The following PCCA variants were observed in gnomAD, a reference collection of about 807,000 sequenced individuals.
The protein encoded by PCCA is propionyl-CoA carboxylase subunit alpha.
PCCA carries 74 observed loss-of-function variants against 101.3 expected under a neutral mutation model. The observed-to-expected ratio is 0.73, with a 90% CI of 0.61 to 0.89. The LOEUF (loss-of-function observed/expected upper bound fraction) is 0.89, where lower values mean the gene tolerates loss of function less well. PCCA is among the 40% of genes least tolerant of loss of function. The pLI is 0.00. For missense variants in PCCA, 891 were observed against 907.0 expected (o/e 0.98, Z 0.23); for synonymous variants, 294 against 313.6 (o/e 0.94, Z 0.66).
intron 6 of PCCA, among the ~76,000 whole-genome samples, chr13:100,186,625 C>T (rs1381818208): frequency 6.6e-6 from 1 of 150,970 alleles, no homozygotes; most frequent in African/African-American, 2.4e-5. Flanking sequence ...GCCTGTAGTC[C>T]CAGCTACTCA....
intron 21 of PCCA, among the ~76,000 whole-genome samples, chr13:100,485,479 A>C (rs2084304091): frequency 6.6e-6 from 1 of 152,248 alleles, no homozygotes; most frequent in African/African-American, 2.4e-5. Context: ...GCATTTCTAG[A>C]GTTGAGTTAT....
chr13:100,257,005 C>T (rs1013026748), intron 8 of PCCA, among the ~76,000 whole-genome samples: 2 of 152,084 alleles, frequency 1.3e-5, no homozygotes, highest in Non-Finnish European at 2.9e-5. Flanking sequence ...TGTTAATGTA[C>T]GGAACAGTGG....
chr13:100,505,590 T>C (rs1188983121), intron 21 of PCCA, among the ~76,000 whole-genome samples: 1 of 152,222 alleles, frequency 6.6e-6, no homozygotes, highest in Admixed American at 6.5e-5. Context: ...GTCAGTCTGG[T>C]GCAGTGACTC....
At position 100,111,859 on chromosome 13, in the gene PCCA, G is replaced by T; in HGVS notation, c.202G>T (p.Val68Phe). ...TCTTCAGACTTTTGATAAAATTCTT[G>T]TTGCTAATAGAGGAGAAATTGCATG... is the stretch of plus-strand genomic sequence containing the variant. ...PNEKTFDKIL[V>F]ANRGEIACRV... The change falls in exon 3 of 24, where the codon GTT becomes TTT. Residue 68 changes from valine to phenylalanine, a missense_variant. Coordinates refer to ENST00000376285, the MANE Select transcript of PCCA (RefSeq NM_000282.4). 6.2e-7 allele frequency: 1 copy of T among 1,609,190 alleles called. No individual in the cohort carries two copies. Among genetic ancestry groups the T allele is most frequent in the Non-Finnish European group, 8.5e-7 (1 of 1,176,410 alleles).
intron 12 of PCCA, among the ~76,000 whole-genome samples, chr13:100,294,077 G>A (rs956299439): frequency 6.6e-6 from 1 of 152,218 alleles, no homozygotes; most frequent in Non-Finnish European, 1.5e-5. Context: ...AAAATCCAGG[G>A]GCCAACAGGG....
chr13:100,329,533 A>G (rs2069225612), intron 16 of PCCA, among the ~76,000 whole-genome samples: 1 of 152,184 alleles, frequency 6.6e-6, no homozygotes, highest in African/African-American at 2.4e-5. Context: ...CAACCATTCT[A>G]CAGTCGTTTG....
At chr13:100,280,673 C>T (rs2064032608) in intron 12 of PCCA, among the ~76,000 whole-genome samples, 1 of 152,132 alleles carries the variant, frequency 6.6e-6, no homozygotes, top group Admixed American at 6.5e-5. Context: ...TAGTAGTCCC[C>T]CTTATCCATA....
chr13:100,281,555 TGA>T (rs2064122972), intron 12 of PCCA, among the ~76,000 whole-genome samples: 1 of 152,194 alleles, frequency 6.6e-6, no homozygotes, highest in African/African-American at 2.4e-5. Flanking sequence ...CTTATTTTGT[TGA>T]ATGGTAATAC....
At chr13:100,338,570 C>T (rs1595435735) in intron 17 of PCCA, among the ~76,000 whole-genome samples, 1 of 151,784 alleles carries the variant, frequency 6.6e-6, no homozygotes. Context: ...AGACTGAGAG[C>T]AAATTTTTGT....
intron 7 of PCCA, among the ~76,000 whole-genome samples, chr13:100,215,263 T>C (rs1472071728): frequency 6.6e-6 from 1 of 152,252 alleles, no homozygotes; most frequent in Non-Finnish European, 1.5e-5. Context: ...TATTCATTCA[T>C]CTATTCAGTA....
At chr13:100,115,361 A>G (rs1441419891) in intron 4 of PCCA, among the ~76,000 whole-genome samples, 1 of 152,184 alleles carries the variant, frequency 6.6e-6, no homozygotes, top group Non-Finnish European at 1.5e-5. Flanking sequence ...ATTTGATAGC[A>G]CAACAGGGTG....
At chr13:100,176,641 T>A (rs1461819174) in intron 6 of PCCA, among the ~76,000 whole-genome samples, 6 of 152,218 alleles carry the variant, frequency 3.9e-5, no homozygotes, top group Non-Finnish European at 7.3e-5. Context: ...TTGAAAAACA[T>A]TGACAAATGT....
chr13:100,260,807 T>C (rs2062445588), intron 9 of PCCA, among the ~76,000 whole-genome samples: 1 of 151,820 alleles, frequency 6.6e-6, no homozygotes, highest in African/African-American at 2.4e-5. Flanking sequence ...GATTACTATA[T>C]GACAAGGATT....
At chr13:100,149,848 A>C (rs1429707895) in intron 4 of PCCA, 1 of 152,186 alleles carries the variant, frequency 6.6e-6, no homozygotes, top group East Asian at 1.9e-4. Context: ...AAAATGTTTC[A>C]CTGAGACCAT....
chr13:100,245,880 G>A (rs2061398879), intron 8 of PCCA, among the ~76,000 whole-genome samples: 1 of 152,222 alleles, frequency 6.6e-6, no homozygotes, highest in African/African-American at 2.4e-5. Context: ...GACTCTGGAA[G>A]CTTATTGGGG....
intron 7 of PCCA, among the ~76,000 whole-genome samples, chr13:100,214,640 A>G (rs895944292): frequency 4.0e-5 from 6 of 151,876 alleles, no homozygotes; most frequent in Non-Finnish European, 8.8e-5. Flanking sequence ...GTTGGCCATG[A>G]TGGTCTTGAT....
intron 16 of PCCA, among the ~76,000 whole-genome samples, chr13:100,316,113 G>A (rs1450616436): frequency 6.6e-6 from 1 of 152,150 alleles, no homozygotes; most frequent in African/African-American, 2.4e-5. Context: ...ATGGACAGTA[G>A]TTTCGGGAAC....
At chr13:100,150,810 G>A in intron 4 of PCCA, 1 of 1,585,452 alleles carries the variant, frequency 6.3e-7, no homozygotes. Context: ...TGAAGGCTTG[G>A]AGCAAACTTT....
At position 100,315,202 on chromosome 13, in the gene PCCA, A is replaced by T. The variant is rs529007808; in HGVS notation, c.1429+5294A>T. Among the ~76,000 whole-genome samples, 35 of 152,182 alleles carry T rather than the reference A, an allele frequency of 2.3e-4. 2 individuals are homozygous for T. The South Asian group carries it at 5.8e-3, about 25-fold the overall frequency. On this transcript the variant is annotated intron_variant, in intron 16 of 23. Transcript: ENST00000376285. ...TAATTCTGCTTACTATTTTTTTGAA[A>T]TTTTTTTAAATTTTGAATTTTGAAA...
Sources: allele counts gnomAD v4.1 joint callset (sites outside exome capture counted in the v4.1 genomes callset), GRCh38; gene constraint gnomAD v4.1.1; transcripts MANE v1.5; gene names NCBI Gene and HGNC (gene_info 2026-07-23, HGNC 2026-07-21).